The following RAP2A variants were observed in gnomAD, a reference collection of about 807,000 sequenced individuals.
The protein encoded by RAP2A is ras-related protein Rap-2a.
Under a neutral mutation model 15.1 loss-of-function variants are expected in RAP2A, and 5 were observed. The ratio of observed to expected loss-of-function variants is 0.33; its 90% CI spans 0.17 to 0.70. The LOEUF (loss-of-function observed/expected upper bound fraction) is 0.70. Among genes scored for constraint, RAP2A ranks in the 30% least tolerant of loss-of-function variants. The probability of loss-of-function intolerance (pLI) is 0.68; values close to 1 mark genes in which losing one functional copy is unlikely to be tolerated. For synonymous variants in RAP2A, 110 were observed against 99.7 expected, an observed-to-expected ratio of 1.10 and a Z score of -0.62; for missense variants, 111 against 240.3, an observed-to-expected ratio of 0.46 and a Z score of 3.56.
intron 1 of RAP2A, among the ~76,000 whole-genome samples, chr13:97,463,793 A>G (rs1275243075): frequency 6.6e-6 from 1 of 152,160 alleles, no homozygotes; most frequent in Non-Finnish European, 1.5e-5. Flanking sequence ...TACACATAGA[A>G]CATAGTAAAA....
At chr13:97,444,252 C>T (rs937741453) in intron 1 of RAP2A, among the ~76,000 whole-genome samples, 1 of 151,998 alleles carries the variant, frequency 6.6e-6, no homozygotes, top group African/African-American at 2.4e-5. Context: ...TAAATGGTGG[C>T]GGTAAATTTT....
intron 1 of RAP2A, chr13:97,436,043 GCTCT>G (rs1416023815): frequency 2.6e-5 from 4 of 152,050 alleles, no homozygotes; most frequent in African/African-American, 4.8e-5. Context: ...CAAAGAGAAG[GCTCT>G]CTCTCTATTG....
chr13:97,453,965 A>G (rs866269045), intron 1 of RAP2A, among the ~76,000 whole-genome samples: 1 of 151,202 alleles, frequency 6.6e-6, no homozygotes, highest in East Asian at 1.9e-4. Flanking sequence ...ATGTCTATTC[A>G]TGGCTTTTGC....
chr13:97,452,089 A>T, intron 1 of RAP2A, among the ~76,000 whole-genome samples: 1 of 150,398 alleles, frequency 6.6e-6, no homozygotes, highest in Non-Finnish European at 1.5e-5. Context: ...TTACCTTTTC[A>T]CTCACTTAAT....
At chr13:97,441,653 G>A (rs1004488406) in intron 1 of RAP2A, 1 of 352,550 alleles carries the variant, frequency 2.8e-6, no homozygotes, top group Non-Finnish European at 5.5e-6. Flanking sequence ...CTGCCTAGGG[G>A]AGCATGTATG....
At chr13:97,452,911 G>A (rs1366196907) in intron 1 of RAP2A, among the ~76,000 whole-genome samples, 1 of 150,910 alleles carries the variant, frequency 6.6e-6, no homozygotes, top group African/African-American at 2.5e-5. Context: ...ACTGTAAATG[G>A]TTCATTTTAA....
rs537725948 is a variant in RAP2A, at chr13:97,439,931, C to T, written c.314+5147C>T. 2.6e-5 allele frequency among the ~76,000 whole-genome samples: 4 copies of T among 152,182 alleles called. No homozygotes were observed. In the South Asian group the frequency reaches 6.2e-4, roughly 24 times the overall value. ...AGATTATTATTAATTTTCTATATCA[C>T]TTAAGTGGTCACTTTCAAGTGAGCT... On this transcript the variant is annotated intron_variant, in intron 1 of 1. Transcript: ENST00000245304.
rs964227654 is a variant in RAP2A, at chr13:97,434,973, T to G, written c.314+189T>G. Reference sequence around the variant, plus strand: ...AGTGCTTTGTTTCACAACTAAAATTTGGCATCGTGTTAGCCCACAGAACAG... The same window carrying G: ...AGTGCTTTGTTTCACAACTAAAATTGGGCATCGTGTTAGCCCACAGAACAG... On this transcript the variant is annotated intron_variant, in intron 1 of 1. Coordinates refer to ENST00000245304, the MANE Select transcript of RAP2A (RefSeq NM_021033.7). Among the ~76,000 whole-genome samples the G allele has an allele frequency of 2.6e-5, 4 of 152,250 alleles. No individual in the cohort carries two copies. In the East Asian group the frequency reaches 7.7e-4, roughly 29 times the overall value.
intron 1 of RAP2A, among the ~76,000 whole-genome samples, chr13:97,459,062 C>A (rs2066735698): frequency 6.6e-6 from 1 of 152,094 alleles, no homozygotes; most frequent in African/African-American, 2.4e-5. Flanking sequence ...ATTATTAGAC[C>A]TGCATCAGTC....
At chr13:97,461,625 T>C (rs1007729566) in intron 1 of RAP2A, among the ~76,000 whole-genome samples, 21 of 152,182 alleles carry the variant, frequency 1.4e-4, no homozygotes, top group African/African-American at 5.1e-4. Flanking sequence ...CATATTCTAG[T>C]AGATCCTGAA....
At chr13:97,459,272 AATG>A (rs1384569090) in intron 1 of RAP2A, among the ~76,000 whole-genome samples, 1 of 151,860 alleles carries the variant, frequency 6.6e-6, no homozygotes, top group African/African-American at 2.4e-5. Flanking sequence ...GTAAGGAAGA[AATG>A]ATGAAAAGGG....
At chr13:97,454,505 G>A (rs1391318868) in intron 1 of RAP2A, among the ~76,000 whole-genome samples, 1 of 151,002 alleles carries the variant, frequency 6.6e-6, no homozygotes, top group African/African-American at 2.4e-5. Flanking sequence ...ACCGTTCACA[G>A]TCTACTTAGA....
rs2153178793 is a variant in RAP2A, at chr13:97,434,612, T to A, written c.142T>A (p.Ser48Thr). The A allele has an allele frequency of 6.2e-7, 1 of 1,614,086 alleles. No homozygotes were observed. Among genetic ancestry groups the A allele is most frequent in the Non-Finnish European group, 8.5e-7 (1 of 1,179,998 alleles). Reference protein sequence around the residue: ...DFYRKEIEVDSSPSVLEILDT... With the variant: ...DFYRKEIEVDTSPSVLEILDT... ...CTACCGCAAGGAGATCGAGGTGGAT[T>A]CGTCGCCGTCGGTGCTGGAGATCCT... The change falls in exon 1 of 2, where the codon TCG becomes ACG. Residue 48 changes from serine (S) to threonine (T), a missense_variant. Physicochemically the swap from Ser to Thr is moderately conservative, Grantham distance 58. This residue lies in a region of RAP2A where 17 missense variants were observed against 79.7 expected (regional missense o/e 0.21). Coordinates refer to ENST00000245304, the MANE Select transcript of RAP2A (RefSeq NM_021033.7).
intron 1 of RAP2A, among the ~76,000 whole-genome samples, chr13:97,454,856 T>G (rs1435020735): frequency 6.6e-6 from 1 of 151,458 alleles, no homozygotes; most frequent in Non-Finnish European, 1.5e-5. Context: ...TATTTTCCTT[T>G]AGTTCTGAAG....
At chr13:97,448,618 C>T (rs1444966933) in intron 1 of RAP2A, among the ~76,000 whole-genome samples, 1 of 152,178 alleles carries the variant, frequency 6.6e-6, no homozygotes, top group Non-Finnish European at 1.5e-5. Flanking sequence ...TTTCTAGGTC[C>T]TCTAACTCTA....
rs1421220359 is a variant in RAP2A at position 97,467,652 on chromosome 13, A to G, written c.*3210A>G. On this transcript the variant is annotated 3_prime_UTR_variant, in exon 2 of 2. Coordinates refer to ENST00000245304, the MANE Select transcript of RAP2A (RefSeq NM_021033.7). Reference sequence around the variant, plus strand: ...GTAAGCTTTAATTGTCCCTTAGCCAATCAAACATTAAGGACTATGGAGGTC... The same window carrying G: ...GTAAGCTTTAATTGTCCCTTAGCCAGTCAAACATTAAGGACTATGGAGGTC... 6.8e-6 allele frequency: 1 copy of G among 147,202 alleles called. No individual in the cohort carries two copies. The highest frequency in any genetic ancestry group is 2.5e-5 in the African/African-American group (1 of 39,546). 9.1% of individuals were successfully genotyped at this position (147,202 alleles called of 1,614,324 possible). A position where few individuals can be genotyped will look rare whatever the true frequency, so the allele number is the denominator to read the frequency against.
At chr13:97,461,361 G>C (rs1321700640) in intron 1 of RAP2A, among the ~76,000 whole-genome samples, 1 of 152,056 alleles carries the variant, frequency 6.6e-6, no homozygotes, top group Non-Finnish European at 1.5e-5. Flanking sequence ...GATTTCTCTA[G>C]TGTCTTTAGA....
Position 97,434,482 on chromosome 13 carries a change from C to T in RAP2A, c.12C>T (p.Tyr4=). The change falls in exon 1 of 2, where the codon TAC becomes TAT. Residue 4 remains tyrosine, a synonymous_variant. Coordinates refer to ENST00000245304, the MANE Select transcript of RAP2A (RefSeq NM_021033.7). MRE[Y]KVVVLGSGGV... ...GCCGCGGAGGGACGATGCGCGAGTA[C>T]AAAGTGGTGGTGCTGGGCTCGGGCG... 1 of 1,605,292 alleles carries T rather than the reference C, an allele frequency of 6.2e-7. No individual in the cohort carries two copies. The highest frequency in any genetic ancestry group is 8.5e-7 in the Non-Finnish European group (1 of 1,174,766).
At position 97,468,690 on chromosome 13, in the gene RAP2A, A is replaced by C. The variant is rs1431273761; in HGVS notation, c.*4248A>C. 6.6e-6 allele frequency: 1 copy of C among 152,246 alleles called. No individual in the cohort carries two copies. Among genetic ancestry groups the C allele is most frequent in the Non-Finnish European group, 1.5e-5 (1 of 68,048 alleles). 9.4% of individuals were successfully genotyped at this position (152,246 alleles called of 1,614,324 possible). Reference sequence around the variant, plus strand: ...GATAGAATCCCAGATATTTAAAGGAAAACATGCCTATATTTTAGGAATATC... The same window carrying C: ...GATAGAATCCCAGATATTTAAAGGACAACATGCCTATATTTTAGGAATATC... On this transcript the variant is annotated 3_prime_UTR_variant, in exon 2 of 2. Transcript: ENST00000245304.
Sources: allele counts gnomAD v4.1 joint callset (sites outside exome capture counted in the v4.1 genomes callset), GRCh38; gene constraint gnomAD v4.1.1; regional missense constraint gnomAD v4.1.1; transcripts MANE v1.5; gene names NCBI Gene and HGNC (gene_info 2026-07-23, HGNC 2026-07-21).